Variants in KIAA1328 observed in about 807,000 individuals in gnomAD.
KIAA1328 encodes protein hinderin.
KIAA1328 carries 52 observed loss-of-function variants against 68.1 expected under a neutral mutation model. The ratio of observed to expected loss-of-function variants is 0.76; its 90% confidence interval spans 0.61 to 0.96. The LOEUF is 0.96. Among genes scored for constraint, KIAA1328 ranks in the 40% least tolerant of loss-of-function variants. The pLI is 0.00. For missense variants in KIAA1328, 641 were observed against 677.6 expected (o/e 0.95, Z 0.60); for synonymous variants, 232 against 239.4 (o/e 0.97, Z 0.28).
At chr18:36,904,973 TATA>T (rs1332074519) in intron 5 of KIAA1328, among the ~76,000 whole-genome samples, 2 of 152,090 alleles carry the variant, frequency 1.3e-5, no homozygotes, top group African/African-American at 4.8e-5. Flanking sequence ...TTTATGATAG[TATA>T]ATACTATTTT....
Position 37,074,563 on chromosome 18 carries a change from C to G in KIAA1328, c.1232+7018C>G, listed in dbSNP as rs554929513. Among the ~76,000 whole-genome samples, 54 of 152,232 alleles carry G rather than the reference C, an allele frequency of 3.5e-4. No homozygotes were observed. The South Asian group carries it at 9.1e-3, about 26-fold the overall frequency. ...TCATTTCATCTTCCATCACTGATAC[C>G]CTTTCTTCCAGTTGATCGCATCGGC... On this transcript the variant is annotated intron_variant, in intron 7 of 9. Transcript: ENST00000280020.
intron 9 of KIAA1328, among the ~76,000 whole-genome samples, chr18:37,180,270 G>A (rs1457829359): frequency 2.0e-5 from 3 of 152,088 alleles, no homozygotes; most frequent in Non-Finnish European, 2.9e-5. Flanking sequence ...AGTATTATCC[G>A]ATTTGACAAT....
chr18:36,976,609 C>T (rs941377567), intron 6 of KIAA1328, among the ~76,000 whole-genome samples: 7 of 151,872 alleles, frequency 4.6e-5, no homozygotes, highest in African/African-American at 1.7e-4. Flanking sequence ...GATGAGAAAA[C>T]AGTGTAATAT....
chr18:37,026,646 A>T lies in KIAA1328; in HGVS notation c.577-40244A>T, dbSNP rs558611840. On this transcript the variant is annotated intron_variant, in intron 6 of 9. Coordinates refer to ENST00000280020, the MANE Select transcript of KIAA1328 (RefSeq NM_020776.3). ...ACCACATGATTATCTCAATAGATGC[A>T]GAAAAGGCCTTTGACAAAATTCAAC... Among the ~76,000 whole-genome samples the T allele has an allele frequency of 3.3e-5, 5 of 152,364 alleles. No individual in the cohort carries two copies. The East Asian group carries it at 5.8e-4, about 18-fold the overall frequency.
At chr18:36,949,598 C>CCCG (rs1288292192) in intron 5 of KIAA1328, among the ~76,000 whole-genome samples, 1 of 2,806 alleles carries the variant, frequency 3.6e-4, no homozygotes, top group Admixed American at 4.1e-3. Flanking sequence ...CTACCCAGCT[C>CCCG]CCCCCCCCCC....
At chr18:37,023,024 G>A (rs554236198) in intron 6 of KIAA1328, among the ~76,000 whole-genome samples, 1 of 152,058 alleles carries the variant, frequency 6.6e-6, no homozygotes, top group South Asian at 2.1e-4. Context: ...CTCCTCATGT[G>A]TATTTTTTCT....
At chr18:37,141,458 TGTATAA>T (rs1180032818) in intron 7 of KIAA1328, among the ~76,000 whole-genome samples, 1 of 152,236 alleles carries the variant, frequency 6.6e-6, no homozygotes, top group Non-Finnish European at 1.5e-5. Flanking sequence ...AGTAATTCAT[TGTATAA>T]GTATATTACA....
intron 7 of KIAA1328, among the ~76,000 whole-genome samples, chr18:37,139,536 T>C (rs1248064110): frequency 6.6e-6 from 1 of 152,212 alleles, no homozygotes; most frequent in Non-Finnish European, 1.5e-5. Context: ...TTATTGGACC[T>C]GCCTTTGCTA....
chr18:36,918,840 T>G (rs1196286514), intron 5 of KIAA1328, among the ~76,000 whole-genome samples: 2 of 152,228 alleles, frequency 1.3e-5, no homozygotes, highest in African/African-American at 4.8e-5. Flanking sequence ...TTAACATAAT[T>G]TATTCCTTCT....
intron 6 of KIAA1328, among the ~76,000 whole-genome samples, chr18:36,987,503 T>TAAA (rs558408412): frequency 0.22 from 19,625 of 87,334 alleles, 1,677 homozygotes; most frequent in Non-Finnish European, 0.34. Flanking sequence ...AATAAATAAA[T>TAAA]AAATAAAAAT....
At chr18:36,943,253 A>T (rs74831549) in intron 5 of KIAA1328, among the ~76,000 whole-genome samples, 5,233 of 152,330 alleles carry the variant, frequency 0.034, 117 homozygotes, top group East Asian at 0.097. Context: ...CCTTTTATAA[A>T]GGAACAAAAA....
In KIAA1328 at chr18:37,223,842, G is replaced by T; in HGVS notation, c.*1615G>T. On this transcript the variant is annotated 3_prime_UTR_variant, in exon 10 of 10. Coordinates refer to ENST00000280020, the MANE Select transcript of KIAA1328 (RefSeq NM_020776.3). ...TTCACTTGGGGTTTTTTATTCTTTG[G>T]AGTAGAAAAGAATGGAGCCCACTAA... 1 of 984,822 alleles carries T rather than the reference G, an allele frequency of 1.0e-6. No individual in the cohort carries two copies. The highest frequency in any genetic ancestry group is 1.7e-5 in the African/African-American group (1 of 57,308). The allele number at this position is 984,822 out of a possible 1,614,324, so 61.0% of individuals were successfully genotyped here.
intron 7 of KIAA1328, among the ~76,000 whole-genome samples, chr18:37,138,297 C>T (rs949236513): frequency 1.3e-5 from 2 of 152,188 alleles, no homozygotes; most frequent in Admixed American, 1.3e-4. Flanking sequence ...TAAGAAATTA[C>T]ATCTATCAGA....
chr18:37,170,740 C>T (rs1357307905), intron 8 of KIAA1328, among the ~76,000 whole-genome samples: 1 of 152,182 alleles, frequency 6.6e-6, no homozygotes, highest in Non-Finnish European at 1.5e-5. Flanking sequence ...TAGATACTAG[C>T]TCCATCACTT....
downstream of KIAA1328, among the ~76,000 whole-genome samples, chr18:37,227,235 A>G (rs991807103): frequency 6.6e-6 from 1 of 152,242 alleles, no homozygotes; most frequent in African/African-American, 2.4e-5. Flanking sequence ...GTAAAAGTAT[A>G]ATGTGAAACA....
At chr18:36,900,299 A>G (rs2048995522) in intron 5 of KIAA1328, among the ~76,000 whole-genome samples, 1 of 151,996 alleles carries the variant, frequency 6.6e-6, no homozygotes, top group African/African-American at 2.4e-5. Context: ...CTGTTTTAGT[A>G]ATAAAGATTA....
At chr18:37,227,061 C>T (rs1373382411), downstream of KIAA1328, among the ~76,000 whole-genome samples, 2 of 152,196 alleles carry the variant, frequency 1.3e-5, no homozygotes, top group African/African-American at 4.8e-5. Context: ...GCCACCGCGC[C>T]CAGGCCCATG....
chr18:37,004,350 C>G (rs2053697565), intron 6 of KIAA1328, among the ~76,000 whole-genome samples: 1 of 151,580 alleles, frequency 6.6e-6, no homozygotes, highest in South Asian at 2.1e-4. Context: ...ATATAACAAT[C>G]TATACATCTG....
intron 7 of KIAA1328, among the ~76,000 whole-genome samples, chr18:37,098,829 C>T (rs953202485): frequency 6.6e-6 from 1 of 152,116 alleles, no homozygotes; most frequent in African/African-American, 2.4e-5. Flanking sequence ...AGGAATTTAT[C>T]CATTTCTTGT....
Sources: gnomAD v4.1 joint callset for allele counts (sites outside exome capture counted in the v4.1 genomes callset) on GRCh38, gnomAD v4.1.1 for gene constraint, MANE v1.5 for transcripts, NCBI Gene and HGNC (gene_info 2026-07-23, HGNC 2026-07-21) for gene names.